Variants in HCN1 observed in about 807,000 individuals in gnomAD.
HCN1 encodes the protein potassium/sodium hyperpolarization-activated cyclic nucleotide-gated channel 1.
A neutral mutation model predicts 78.9 loss-of-function variants in HCN1; 13 were observed. That is an observed-to-expected ratio of 0.16 (90% CI 0.11 to 0.26). The LOEUF (loss-of-function observed/expected upper bound fraction) is 0.26, where lower values mean the gene tolerates loss of function less well. Among genes scored for constraint, HCN1 ranks in the 10% least tolerant of loss-of-function variants. The pLI is 1.00. For synonymous variants in HCN1, 552 were observed against 455.5 expected (o/e 1.21, Z -2.70); for missense variants, 810 against 1,154.3 (o/e 0.70, Z 4.32).
At chr5:45,279,479 G>C (rs1288335119) in intron 6 of HCN1, among the ~76,000 whole-genome samples, 1 of 152,038 alleles carries the variant, frequency 6.6e-6, no homozygotes, top group African/African-American at 2.4e-5. Flanking sequence ...AAAGATAAAA[G>C]TTACAAAAAA....
chr5:45,688,420 G>A (rs1427272724), intron 1 of HCN1, among the ~76,000 whole-genome samples: 1 of 152,084 alleles, frequency 6.6e-6, no homozygotes, highest in Non-Finnish European at 1.5e-5. Context: ...TGTGTATTGG[G>A]CAGGGAAATG....
chr5:45,424,157 G>C (rs1056765641), intron 3 of HCN1, among the ~76,000 whole-genome samples: 5 of 150,928 alleles, frequency 3.3e-5, no homozygotes, highest in Non-Finnish European at 5.9e-5. Context: ...GCCAGGCTTG[G>C]TGGCGGGCAC....
chr5:45,432,245 G>T (rs1740478464), intron 3 of HCN1, among the ~76,000 whole-genome samples: 1 of 152,042 alleles, frequency 6.6e-6, no homozygotes, highest in Non-Finnish European at 1.5e-5. Flanking sequence ...AATGTTGTTG[G>T]TGTATAGGAA....
chr5:45,429,205 G>A (rs1010991316), intron 3 of HCN1, among the ~76,000 whole-genome samples: 2 of 152,070 alleles, frequency 1.3e-5, no homozygotes, highest in African/African-American at 4.8e-5. Flanking sequence ...TGTCTCAATA[G>A]CCACCTCTTC....
At chr5:45,518,480 G>C (rs1158615128) in intron 2 of HCN1, among the ~76,000 whole-genome samples, 1 of 151,970 alleles carries the variant, frequency 6.6e-6, no homozygotes, top group East Asian at 1.9e-4. Flanking sequence ...GGGATGACTG[G>C]GGGTCTGAGT....
At chr5:45,474,126 G>A (rs1741465789) in intron 2 of HCN1, among the ~76,000 whole-genome samples, 1 of 151,638 alleles carries the variant, frequency 6.6e-6, no homozygotes, top group East Asian at 1.9e-4. Flanking sequence ...CACATCCATA[G>A]CTTTCCATTT....
At chr5:45,665,133 T>A (rs1361207896) in intron 1 of HCN1, among the ~76,000 whole-genome samples, 1 of 151,652 alleles carries the variant, frequency 6.6e-6, no homozygotes, top group African/African-American at 2.4e-5. Context: ...AAATGATGAG[T>A]TCATGTACTT....
At chr5:45,401,583 T>C (rs1456104131) in intron 3 of HCN1, among the ~76,000 whole-genome samples, 2 of 151,940 alleles carry the variant, frequency 1.3e-5, no homozygotes, top group African/African-American at 4.8e-5. Flanking sequence ...AGATTATTCC[T>C]ATGTCCTGAA....
chr5:45,273,737 A>C (rs1252443263), intron 6 of HCN1, among the ~76,000 whole-genome samples: 2 of 152,142 alleles, frequency 1.3e-5, no homozygotes, highest in Non-Finnish European at 2.9e-5. Context: ...ATTTCCTATA[A>C]ATTATTTAGA....
At chr5:45,580,438 T>C (rs1050679252) in intron 2 of HCN1, among the ~76,000 whole-genome samples, 9 of 152,018 alleles carry the variant, frequency 5.9e-5, no homozygotes, top group African/African-American at 1.9e-4. Context: ...CCACTGCAGA[T>C]TACAGAAAAA....
chr5:45,325,147 T>C (rs1255937890), intron 5 of HCN1, among the ~76,000 whole-genome samples: 1 of 151,848 alleles, frequency 6.6e-6, no homozygotes, highest in African/African-American at 2.4e-5. Context: ...ATTGCTTCAC[T>C]GACCTGCCAA....
chr5:45,284,116 G>T (rs1745223909), intron 6 of HCN1, among the ~76,000 whole-genome samples: 1 of 151,964 alleles, frequency 6.6e-6, no homozygotes, highest in Non-Finnish European at 1.5e-5. Context: ...ACAAAGAAGG[G>T]AACAGATACT....
chr5:45,270,270 AACTT>A (rs974081734), intron 6 of HCN1, among the ~76,000 whole-genome samples: 75 of 152,348 alleles, frequency 4.9e-4, no homozygotes, highest in African/African-American at 1.8e-3. Flanking sequence ...ACAGGTCCCT[AACTT>A]ACTTTCTCTG....
At chr5:45,305,457 A>G (rs535076291) in intron 5 of HCN1, among the ~76,000 whole-genome samples, 1 of 152,162 alleles carries the variant, frequency 6.6e-6, no homozygotes, top group Non-Finnish European at 1.5e-5. Context: ...AAGTGAACCT[A>G]GCAGCAAAGA....
intron 3 of HCN1, among the ~76,000 whole-genome samples, chr5:45,400,885 C>CT (rs1295609635): frequency 1.3e-5 from 2 of 151,960 alleles, no homozygotes; most frequent in East Asian, 1.9e-4. Context: ...ATGATTCTGG[C>CT]TTTTTTTCCC....
chr5:45,666,763 TTGAATAAATGAG>T (rs1397351529), intron 1 of HCN1, among the ~76,000 whole-genome samples: 1 of 151,950 alleles, frequency 6.6e-6, no homozygotes, highest in Non-Finnish European at 1.5e-5. Flanking sequence ...CCTAAATAAA[TTGAATAAATGAG>T]TGGATAAATA....
intron 2 of HCN1, among the ~76,000 whole-genome samples, chr5:45,638,156 T>C (rs1476186499): frequency 6.6e-6 from 1 of 152,092 alleles, no homozygotes; most frequent in Non-Finnish European, 1.5e-5. Flanking sequence ...GAACACTTTT[T>C]AGATTTCTGA....
Position 45,257,713 on chromosome 5 carries a change from A to T in HCN1, c.*4208T>A, listed in dbSNP as rs2111831560. ...AAAGTCATTGCTTTTGAGGGGTAATAGCAGGTGTACTTCCCTAAGTACAAT... is the reference window on the plus strand; with the variant it reads ...AAAGTCATTGCTTTTGAGGGGTAATTGCAGGTGTACTTCCCTAAGTACAAT... On this transcript the variant is annotated 3_prime_UTR_variant, in exon 8 of 8. Transcript: ENST00000303230. 1 of 152,312 alleles carries T rather than the reference A, an allele frequency of 6.6e-6. No homozygotes were observed. Among genetic ancestry groups the T allele is most frequent in the Admixed American group, 6.5e-5 (1 of 15,300 alleles). 9.4% of individuals were successfully genotyped at this position (152,312 alleles called of 1,614,324 possible). A position where few individuals can be genotyped will look rare whatever the true frequency, so the allele number is the denominator to read the frequency against.
intron 2 of HCN1, among the ~76,000 whole-genome samples, chr5:45,564,398 C>T (rs1425225286): frequency 6.6e-6 from 1 of 151,906 alleles, no homozygotes; most frequent in African/African-American, 2.4e-5. Context: ...GTAGCTGGGA[C>T]TACCACGCCT....
Sources: allele counts gnomAD v4.1 joint callset (sites outside exome capture counted in the v4.1 genomes callset), GRCh38; gene constraint gnomAD v4.1.1; transcripts MANE v1.5; gene names NCBI Gene and HGNC (gene_info 2026-07-23, HGNC 2026-07-21).